Variants in PDE1C observed in about 807,000 individuals in gnomAD.
The protein encoded by PDE1C is phosphodiesterase 1C.
A neutral mutation model predicts 93.1 loss-of-function variants in PDE1C; 62 were observed. The observed-to-expected ratio is 0.67, with a 90% CI of 0.54 to 0.82. The LOEUF (loss-of-function observed/expected upper bound fraction) is 0.82, where lower values mean the gene tolerates loss of function less well. Among genes scored for constraint, PDE1C ranks in the 40% least tolerant of loss-of-function variants. The pLI is 0.00. For synonymous variants in PDE1C, 325 were observed against 310.1 expected, an observed-to-expected ratio of 1.05 and a Z score of -0.50; for missense variants, 742 against 884.6, an observed-to-expected ratio of 0.84 and a Z score of 2.04.
chr7:31,734,765 T>C, the PDE1C span, among the ~76,000 whole-genome samples: 2 of 152,164 alleles, frequency 1.3e-5, no homozygotes, highest in South Asian at 2.1e-4. Context: ...TAGTAAGTAA[T>C]TGTGGTAATC....
chr7:31,878,064 C>A (rs75043285), intron 4 of PDE1C, 28 bp from the exon 5 acceptor site: 1 of 1,513,364 alleles, frequency 6.6e-7, no homozygotes, highest in East Asian at 2.3e-5. Context: ...AAAAATGCAA[C>A]ATGATATCTT....
intron 2 of PDE1C, among the ~76,000 whole-genome samples, chr7:32,048,216 G>A (rs191847111): frequency 1.3e-5 from 2 of 152,268 alleles, no homozygotes; most frequent in Admixed American, 1.3e-4. Context: ...ATTAAACAAG[G>A]CTGGAAATTT....
chr7:32,051,517 T>C (rs757368899), intron 2 of PDE1C, 37 bp downstream of exon 2: 6 of 1,608,802 alleles, frequency 3.7e-6, no homozygotes, highest in South Asian at 1.1e-5. Context: ...GGGCCACAAA[T>C]GAATCAACCA....
chr7:32,140,698 C>T (rs1800470652), intron 3 of PDE1C, among the ~76,000 whole-genome samples: 1 of 152,158 alleles, frequency 6.6e-6, no homozygotes, highest in Admixed American at 6.5e-5. Flanking sequence ...GGGGCTGTTA[C>T]AAGACAAAGC....
chr7:31,759,412 G>T (rs80114777), intron 17 of PDE1C, among the ~76,000 whole-genome samples: 3 of 152,028 alleles, frequency 2.0e-5, no homozygotes, highest in Non-Finnish European at 4.4e-5. Context: ...TACAATCCCC[G>T]ACCACTAGTG....
At chr7:32,361,104 G>A (rs994141877) in intron 1 of PDE1C, among the ~76,000 whole-genome samples, 9 of 152,078 alleles carry the variant, frequency 5.9e-5, no homozygotes, top group African/African-American at 2.2e-4. Flanking sequence ...ACCATGCAGG[G>A]CACCTTCACA....
At chr7:32,055,730 T>G (rs1793988523) in intron 1 of PDE1C, among the ~76,000 whole-genome samples, 1 of 152,174 alleles carries the variant, frequency 6.6e-6, no homozygotes, top group Non-Finnish European at 1.5e-5. Flanking sequence ...TTTGCTTTGT[T>G]TTGTTTTTGA....
chr7:32,061,453 G>A (rs562772765), intron 1 of PDE1C, among the ~76,000 whole-genome samples: 1 of 152,366 alleles, frequency 6.6e-6, no homozygotes, highest in Admixed American at 6.5e-5. Flanking sequence ...CTCTGGAGCA[G>A]GCACAGGAGG....
intron 2 of PDE1C, among the ~76,000 whole-genome samples, chr7:31,962,134 C>T (rs1415221311): frequency 6.6e-6 from 1 of 152,142 alleles, no homozygotes; most frequent in Admixed American, 6.6e-5. Flanking sequence ...TCCAATAGTA[C>T]AAAAATGAAG....
At chr7:32,079,631 C>G (rs1796541849) in intron 3 of PDE1C, among the ~76,000 whole-genome samples, 2 of 152,218 alleles carry the variant, frequency 1.3e-5, no homozygotes, top group South Asian at 4.1e-4. Flanking sequence ...TTGGCAGGGA[C>G]AGCTGGAAGG....
intron 15 of PDE1C, among the ~76,000 whole-genome samples, chr7:31,813,248 T>A (rs1203781315): frequency 2.0e-5 from 3 of 152,060 alleles, no homozygotes; most frequent in Non-Finnish European, 2.9e-5. Flanking sequence ...GGAGGTAGGG[T>A]TGAGCATGCA....
intron 2 of PDE1C, among the ~76,000 whole-genome samples, chr7:31,933,372 G>A (rs1344689552): frequency 6.6e-6 from 1 of 152,158 alleles, no homozygotes; most frequent in Admixed American, 6.5e-5. Flanking sequence ...TGGAAGTGAT[G>A]CTACAGTAAA....
chr7:31,869,952 CAA>C (rs1198875052), intron 6 of PDE1C, among the ~76,000 whole-genome samples: 6 of 152,008 alleles, frequency 3.9e-5, no homozygotes, highest in South Asian at 4.1e-4. Flanking sequence ...AAATCAATAA[CAA>C]GAGGAAATTT....
the PDE1C span, among the ~76,000 whole-genome samples, chr7:31,715,142 C>A: frequency 6.6e-6 from 1 of 152,034 alleles, no homozygotes; most frequent in Non-Finnish European, 1.5e-5. Context: ...AATATTCCAA[C>A]AATTGTAATC....
chr7:32,012,640 T>A (rs1012624066), intron 2 of PDE1C, among the ~76,000 whole-genome samples: 2 of 152,032 alleles, frequency 1.3e-5, no homozygotes, highest in African/African-American at 2.4e-5. Context: ...TTAAAAAGGG[T>A]CATGAGGAAA....
intron 3 of PDE1C, among the ~76,000 whole-genome samples, chr7:32,125,431 C>A (rs1584809502): frequency 6.6e-6 from 1 of 152,114 alleles, no homozygotes; most frequent in East Asian, 1.9e-4. Flanking sequence ...ATGTTCACTG[C>A]AGCACTATTT....
the PDE1C span, among the ~76,000 whole-genome samples, chr7:31,636,645 C>T: frequency 6.6e-6 from 1 of 151,928 alleles, no homozygotes; most frequent in African/African-American, 2.4e-5. Flanking sequence ...CTCACGCTCT[C>T]CTATCCCATA....
Position 31,930,848 on chromosome 7 carries a change from C to CAAAAAAAAAAAAAAAA in PDE1C, c.129-50004_129-49989dup, listed in dbSNP as rs56394903. Among the ~76,000 whole-genome samples, 12 of 32,642 alleles carry CAAAAAAAAAAAAAAAA rather than the reference C, an allele frequency of 3.7e-4. 1 individual carries two copies. The highest frequency in any genetic ancestry group is 6.8e-4 in the African/African-American group (4 of 5,882). The allele number at this position is 32,642 out of a possible 152,430, so 21.4% of individuals were successfully genotyped here. ...TGGGCAACAGAGCAAGACTCTGTCT[C>CAAAAAAAAAAAAAAAA]AAAAAAAAAAAAAAAAAAAAAAAAA... On this transcript the variant is annotated intron_variant, in intron 2 of 17. Coordinates refer to ENST00000396191, the MANE Select transcript of PDE1C (RefSeq NM_001191057.4).
At chr7:31,903,995 G>A (rs1462051183) in intron 2 of PDE1C, among the ~76,000 whole-genome samples, 2 of 152,162 alleles carry the variant, frequency 1.3e-5, no homozygotes, top group Non-Finnish European at 2.9e-5. Flanking sequence ...CAACGTTGGT[G>A]TATAATTGCA....
Sources: gnomAD v4.1 joint callset for allele counts (sites outside exome capture counted in the v4.1 genomes callset) on GRCh38, gnomAD v4.1.1 for gene constraint, MANE v1.5 for transcripts, NCBI Gene and HGNC (gene_info 2026-07-23, HGNC 2026-07-21) for gene names.